TMEM217: variants seen among roughly 807,000 people sequenced by gnomAD.
TMEM217 encodes transmembrane protein 217.
For missense variants in TMEM217, 204 were observed against 248.8 expected (o/e 0.82, Z 1.21); for synonymous variants, 76 against 88.3 (o/e 0.86, Z 0.78).
At chr6:37,257,764 G>C (rs1405517301) in exon 1 of TMEM217, 2 of 768,876 alleles carry the variant, frequency 2.6e-6, no homozygotes, top group Non-Finnish European at 4.2e-6. Context: ...CTGGGTGGAG[G>C]GGTGCCCACA....
intron 1 of TMEM217, among the ~76,000 whole-genome samples, chr6:37,225,021 A>C (rs79538199): frequency 2.3e-4 from 35 of 151,116 alleles, no homozygotes; most frequent in Non-Finnish European, 3.1e-4. Flanking sequence ...AAAAAAAAAA[A>C]AAAAACACCA....
At chr6:37,256,009 A>G (rs1444618466) in intron 1 of TMEM217, among the ~76,000 whole-genome samples, 1 of 152,196 alleles carries the variant, frequency 6.6e-6, no homozygotes, top group African/African-American at 2.4e-5. Flanking sequence ...TTAACATTTC[A>G]TAGAAGATTA....
At chr6:37,229,544 G>A (rs1331113689) in intron 1 of TMEM217, among the ~76,000 whole-genome samples, 2 of 151,678 alleles carry the variant, frequency 1.3e-5, no homozygotes, top group Non-Finnish European at 1.5e-5. Flanking sequence ...GGGTTTCACC[G>A]TGTTAGCCAG....
exon 1 of TMEM217, chr6:37,257,859 G>T: frequency 6.3e-7 from 1 of 1,580,326 alleles, no homozygotes. Context: ...GCGGGGTCTG[G>T]GGGCATCTCG....
chr6:37,233,474 T>C (rs1355311541), intron 1 of TMEM217, among the ~76,000 whole-genome samples: 2 of 152,216 alleles, frequency 1.3e-5, no homozygotes, highest in African/African-American at 4.8e-5. Context: ...ATCTTGCCAC[T>C]GCATGCTCAC....
At chr6:37,218,500 G>A (rs935573241) in exon 2 of TMEM217, 3 of 1,614,018 alleles carry the variant, frequency 1.9e-6, no homozygotes, top group African/African-American at 2.7e-5. Flanking sequence ...TTTTATTTCT[G>A]CTGTGGAGAA....
At chr6:37,227,469 C>G (rs914675342) in intron 1 of TMEM217, among the ~76,000 whole-genome samples, 1 of 152,078 alleles carries the variant, frequency 6.6e-6, no homozygotes, top group East Asian at 1.9e-4. Context: ...TTGTTTGAGA[C>G]GGAGTCTCGC....
intron 1 of TMEM217, among the ~76,000 whole-genome samples, chr6:37,247,992 A>G (rs1409026575): frequency 6.6e-6 from 1 of 152,164 alleles, no homozygotes; most frequent in Non-Finnish European, 1.5e-5. Context: ...ACAGTTTCTC[A>G]TATGTAATTT....
chr6:37,229,335 G>GTTTTTTTTTTT lies in TMEM217; in HGVS notation c.-11-10305_-11-10295dup, dbSNP rs372385535. On this transcript the variant is annotated intron_variant, in intron 1 of 1. Coordinates refer to ENST00000357219, the Ensembl canonical transcript of TMEM217. ...TGACTCGTCTCCCTAGCAACTTTCA[G>GTTTTTTTTTTT]TTTTTTTTTTTTTTTTTTTTTTTTT... Among the ~76,000 whole-genome samples the GTTTTTTTTTTT allele has an allele frequency of 3.4e-4, 25 of 74,362 alleles. 5 individuals are homozygous for GTTTTTTTTTTT. The highest frequency in any genetic ancestry group is 6.4e-4 in the South Asian group (1 of 1,552). 48.8% of individuals were successfully genotyped at this position (74,362 alleles called of 152,430 possible). A position where few individuals can be genotyped will look rare whatever the true frequency, so the allele number is the denominator to read the frequency against.
At chr6:37,218,492 T>C (rs1398455201) in exon 2 of TMEM217, 3 of 1,614,132 alleles carry the variant, frequency 1.9e-6, no homozygotes, top group East Asian at 2.2e-5. Flanking sequence ...TGATAATCTT[T>C]TATTTCTGCT....
chr6:37,217,255 T>C (rs1763255852), downstream of TMEM217, among the ~76,000 whole-genome samples: 1 of 152,174 alleles, frequency 6.6e-6, no homozygotes, highest in South Asian at 2.1e-4. Flanking sequence ...GGTCGCACCA[T>C]TGCACTCTGG....
intron 1 of TMEM217, among the ~76,000 whole-genome samples, chr6:37,229,346 T>TG (rs1562010314): frequency 7.8e-6 from 1 of 128,202 alleles, no homozygotes. Context: ...TTTTTTTTTT[T>TG]TTTTTTTTTT....
chr6:37,226,255 G>GT (rs1220907421), intron 1 of TMEM217, among the ~76,000 whole-genome samples: 105 of 68,598 alleles, frequency 1.5e-3, no homozygotes, highest in African/African-American at 4.4e-3. Context: ...GTTTTGTTTT[G>GT]TTTTATTTTG....
At chr6:37,244,238 G>A (rs138076493) in intron 1 of TMEM217, among the ~76,000 whole-genome samples, 2,955 of 152,294 alleles carry the variant, frequency 0.019, 46 homozygotes, top group Non-Finnish European at 0.031. Context: ...TTATGCATAG[G>A]AATGAACAAG....
chr6:37,239,882 C>A, intron 1 of TMEM217, among the ~76,000 whole-genome samples: 1 of 149,722 alleles, frequency 6.7e-6, no homozygotes, highest in East Asian at 1.9e-4. Flanking sequence ...TGGTGAGACC[C>A]CAGCTCATTA....
chr6:37,217,450 T>C (rs368177493), downstream of TMEM217, among the ~76,000 whole-genome samples: 11 of 150,964 alleles, frequency 7.3e-5, no homozygotes, highest in African/African-American at 2.7e-4. Context: ...AAAATTCTCA[T>C]AGTCATTCAT....
downstream of TMEM217, chr6:37,213,090 G>C: frequency 3.6e-6 from 3 of 843,434 alleles, no homozygotes; most frequent in Non-Finnish European, 5.6e-6. Context: ...AGAGAGCTAA[G>C]AGCAATGATG....
exon 2 of TMEM217, chr6:37,218,873 C>A: frequency 6.2e-7 from 1 of 1,614,170 alleles, no homozygotes; most frequent in Non-Finnish European, 8.5e-7. Context: ...TATGATGTTA[C>A]TTGCACCCCT....
downstream of TMEM217, among the ~76,000 whole-genome samples, chr6:37,215,553 A>G (rs1262715384): frequency 2.4e-5 from 3 of 124,136 alleles, no homozygotes; most frequent in East Asian, 7.5e-4. Context: ...CCTGGGCTGC[A>G]GAGCGAGACT....
Sources: gnomAD v4.1 joint callset for allele counts (sites outside exome capture counted in the v4.1 genomes callset) on GRCh38, gnomAD v4.1.1 for gene constraint, MANE v1.5 for transcripts, NCBI Gene and HGNC (gene_info 2026-07-23, HGNC 2026-07-21) for gene names.